The following AGPAT3 variants were observed in gnomAD, a reference collection of about 807,000 sequenced individuals.
AGPAT3 encodes the protein 1-acyl-sn-glycerol-3-phosphate acyltransferase gamma.
In AGPAT3, 5 loss-of-function variants were observed where a neutral mutation model predicts 47.3. That is an observed-to-expected ratio of 0.11 (90% confidence interval 0.06 to 0.22). The LOEUF (loss-of-function observed/expected upper bound fraction) is 0.22, where lower values mean the gene tolerates loss of function less well. Ranked by LOEUF, AGPAT3 falls within the 10% of genes least tolerant of loss-of-function variation. AGPAT3 has a pLI of 1.00. For synonymous variants in AGPAT3, 212 were observed against 208.3 expected (o/e 1.02, Z -0.15); for missense variants, 315 against 493.0 (o/e 0.64, Z 3.42).
At chr21:43,944,237 C>T (rs982582467) in intron 2 of AGPAT3, among the ~76,000 whole-genome samples, 1 of 152,274 alleles carries the variant, frequency 6.6e-6, no homozygotes, top group Non-Finnish European at 1.5e-5. Context: ...CCCCGGCCCT[C>T]GCCACTCTGG....
chr21:43,931,691 G>A (rs1433596873), intron 2 of AGPAT3, among the ~76,000 whole-genome samples: 2 of 152,054 alleles, frequency 1.3e-5, no homozygotes, highest in Non-Finnish European at 2.9e-5. Flanking sequence ...CCCAGCCACC[G>A]GCACTGTCGT....
intron 2 of AGPAT3, among the ~76,000 whole-genome samples, chr21:43,927,691 T>C (rs2087102857): frequency 6.6e-6 from 1 of 152,192 alleles, no homozygotes; most frequent in Admixed American, 6.5e-5. Context: ...AGTGACTTTG[T>C]GGTGAGATGG....
At chr21:43,968,622 G>T (rs1048679456) in intron 4 of AGPAT3, among the ~76,000 whole-genome samples, 1 of 151,990 alleles carries the variant, frequency 6.6e-6, no homozygotes, top group Non-Finnish European at 1.5e-5. Flanking sequence ...CTCGGCAGTG[G>T]TGCCTGGCTG....
At chr21:43,957,606 C>T (rs1216757825) in intron 2 of AGPAT3, among the ~76,000 whole-genome samples, 68 of 147,946 alleles carry the variant, frequency 4.6e-4, no homozygotes, top group African/African-American at 1.6e-3. Flanking sequence ...CCCCTCCACG[C>T]GGGGGTCTCG....
At position 43,914,240 on chromosome 21, in the gene AGPAT3, GATGGTGATTTAGACAA is replaced by G. The variant is rs534533232; in HGVS notation, c.-49+10224_-49+10239del. Among the ~76,000 whole-genome samples the G allele has an allele frequency of 2.4e-4, 36 of 152,320 alleles. No individual in the cohort carries two copies. In the South Asian group the frequency reaches 7.5e-3, roughly 32 times the overall value. The stretch of plus-strand genomic sequence containing the variant: ...CTGGGGTCCTTACGCCACAATTTGA[GATGGTGATTTAGACAA>G]ATTTCCTTCTTCCCTTCCCTCTGCA... On this transcript the variant is annotated intron_variant, in intron 2 of 9. Transcript: ENST00000291572.
intron 2 of AGPAT3, among the ~76,000 whole-genome samples, chr21:43,913,632 G>A (rs186670101): frequency 1.8e-4 from 27 of 152,274 alleles, no homozygotes; most frequent in Middle Eastern, 3.4e-3. Context: ...TTTGAGTTGC[G>A]GCTATTGTGG....
At chr21:43,961,709 C>T (rs866838738) in intron 3 of AGPAT3, among the ~76,000 whole-genome samples, 11 of 149,656 alleles carry the variant, frequency 7.4e-5, no homozygotes, top group African/African-American at 2.3e-4. Context: ...AAATGGTGAA[C>T]CCACATACAC....
At position 43,939,342 on chromosome 21, in the gene AGPAT3, C is replaced by T. The variant is rs977552210; in HGVS notation, c.-48-20292C>T. Among the ~76,000 whole-genome samples, 4 of 152,268 alleles carry T rather than the reference C, an allele frequency of 2.6e-5. No individual in the cohort carries two copies. Among genetic ancestry groups the T allele is most frequent in the Admixed American group, 1.3e-4 (2 of 15,306 alleles). On this transcript the variant is annotated intron_variant, in intron 2 of 9. Transcript: ENST00000291572. The surrounding 1 kb of genome is among the most constrained non-coding windows in gnomAD (Gnocchi z 4.4). Reference sequence around the variant, plus strand: ...CGCTGTTGTTGTCGGGGGCCTCCCGCGCCCCAGGAGGTTTCCCAGGGCGAT... The same window carrying T: ...CGCTGTTGTTGTCGGGGGCCTCCCGTGCCCCAGGAGGTTTCCCAGGGCGAT...
rs1259594280 is a variant in AGPAT3, at chr21:43,987,183, T to C, written c.*4791T>C. 6.6e-6 allele frequency among the ~76,000 whole-genome samples: 1 copy of C among 152,264 alleles called. No individual in the cohort carries two copies. Among genetic ancestry groups the C allele is most frequent in the African/African-American group, 2.4e-5 (1 of 41,478 alleles). ...TTTCTTCGTTTCCAGTCTGCATAGATGTCTCCAAGGGGAAACCAGGGCCAC... is the reference window on the plus strand; with the variant it reads ...TTTCTTCGTTTCCAGTCTGCATAGACGTCTCCAAGGGGAAACCAGGGCCAC... On this transcript the variant is annotated 3_prime_UTR_variant, in exon 10 of 10. Coordinates refer to ENST00000291572, the MANE Select transcript of AGPAT3 (RefSeq NM_020132.5).
At chr21:43,879,612 C>G (rs1254177928) in intron 1 of AGPAT3, among the ~76,000 whole-genome samples, 16 of 151,954 alleles carry the variant, frequency 1.1e-4, no homozygotes, top group Admixed American at 1.3e-4. Context: ...GCACCTGTCT[C>G]CTTGTCTGTT....
intron 2 of AGPAT3, among the ~76,000 whole-genome samples, chr21:43,937,481 A>G (rs1053444558): frequency 6.6e-6 from 1 of 152,198 alleles, no homozygotes; most frequent in Admixed American, 6.5e-5. Context: ...TGTCTCCTTG[A>G]GGTGACATCG....
chr21:43,980,955 C>T, intron 8 of AGPAT3, 34 bp from the exon 9 acceptor site: 1 of 1,584,438 alleles, frequency 6.3e-7, no homozygotes. Context: ...GTAAAGAAGC[C>T]TCACGCTTCC....
chr21:43,958,410 G>A (rs1367919939), intron 2 of AGPAT3, among the ~76,000 whole-genome samples: 3 of 151,846 alleles, frequency 2.0e-5, no homozygotes, highest in African/African-American at 4.8e-5. Context: ...TGTGGGATGT[G>A]GTGTATGTGT....
At chr21:43,886,486 A>C (rs922267003) in intron 1 of AGPAT3, among the ~76,000 whole-genome samples, 1 of 152,086 alleles carries the variant, frequency 6.6e-6, no homozygotes, top group Admixed American at 6.6e-5. Context: ...TCCTGACCTC[A>C]AGTGATCCAC....
Position 43,968,190 on chromosome 21 carries a change from G to C in AGPAT3, c.348+75G>C, listed in dbSNP as rs574010171. The C allele has an allele frequency of 5.9e-5, 89 of 1,517,662 alleles. 2 individuals are homozygous for C. In the African/African-American group the frequency reaches 1.2e-3, roughly 20 times the overall value. 94.0% of individuals were successfully genotyped at this position (1,517,662 alleles called of 1,614,324 possible). A position where few individuals can be genotyped will look rare whatever the true frequency, so the allele number is the denominator to read the frequency against. On this transcript the variant is annotated intron_variant, in intron 4 of 9. Coordinates refer to ENST00000291572, the MANE Select transcript of AGPAT3 (RefSeq NM_020132.5). Reference sequence around the variant, plus strand: ...AGGGCCGGGGGTGAGCGGGGACCCAGGGAGGGCCGGGGTGAGCAGGGGGTC... The same window carrying C: ...AGGGCCGGGGGTGAGCGGGGACCCACGGAGGGCCGGGGTGAGCAGGGGGTC...
intron 7 of AGPAT3, among the ~76,000 whole-genome samples, chr21:43,974,944 A>C (rs2089548772): frequency 6.6e-6 from 1 of 152,232 alleles, no homozygotes; most frequent in Non-Finnish European, 1.5e-5. Flanking sequence ...TGTTGTCTTC[A>C]TAGCCATCTG....
At chr21:43,924,416 A>G (rs1307818607) in intron 2 of AGPAT3, among the ~76,000 whole-genome samples, 1 of 152,206 alleles carries the variant, frequency 6.6e-6, no homozygotes, top group African/African-American at 2.4e-5. Context: ...ATTACAAGGA[A>G]TTTATGAGCT....
At chr21:43,873,235 AAAAT>A (rs1225509708) in intron 1 of AGPAT3, among the ~76,000 whole-genome samples, 1 of 152,188 alleles carries the variant, frequency 6.6e-6, no homozygotes, top group Non-Finnish European at 1.5e-5. Flanking sequence ...AATAAAATGA[AAAAT>A]AACCTCGTGC....
Position 43,985,559 on chromosome 21 carries a change from AC to A in AGPAT3, c.*3170del. 3.8e-6 allele frequency: 1 copy of A among 266,614 alleles called. No individual in the cohort carries two copies. The highest frequency in any genetic ancestry group is 7.4e-6 in the Non-Finnish European group (1 of 135,902). The allele number at this position is 266,614 out of a possible 1,614,324, so 16.5% of individuals were successfully genotyped here. A position where few individuals can be genotyped will look rare whatever the true frequency, so the allele number is the denominator to read the frequency against. ...GATTTGAAGGAAAAGCCGTGGTTGG[AC>A]CCAGCTGTGTGTTTCACTCACGTGC... is the stretch of plus-strand genomic sequence containing the variant. On this transcript the variant is annotated 3_prime_UTR_variant, in exon 10 of 10. Coordinates refer to ENST00000291572, the MANE Select transcript of AGPAT3 (RefSeq NM_020132.5).
Sources: allele counts gnomAD v4.1 joint callset (sites outside exome capture counted in the v4.1 genomes callset), GRCh38; gene constraint gnomAD v4.1.1; non-coding constraint Gnocchi (gnomAD v3.1); transcripts MANE v1.5; gene names NCBI Gene and HGNC (gene_info 2026-07-23, HGNC 2026-07-21).